BLK: variants seen among roughly 807,000 people sequenced by gnomAD.
BLK encodes BLK proto-oncogene, Src family tyrosine kinase.
Under a neutral mutation model 61.8 loss-of-function variants are expected in BLK, and 64 were observed. The ratio of observed to expected loss-of-function variants is 1.03; its 90% CI spans 0.85 to 1.27. The LOEUF is 1.27. Ranked by LOEUF, BLK falls within the 50% of genes most tolerant of loss-of-function variation. BLK has a pLI of 0.00. For missense variants in BLK, 853 were observed against 660.5 expected, an observed-to-expected ratio of 1.29 and a Z score of -3.19; for synonymous variants, 351 against 272.0, an observed-to-expected ratio of 1.29 and a Z score of -2.86.
At chr8:11,552,030 A>C (rs1300064322) in intron 6 of BLK, among the ~76,000 whole-genome samples, 1 of 152,152 alleles carries the variant, frequency 6.6e-6, no homozygotes, top group African/African-American at 2.4e-5. Flanking sequence ...TTAACTGGAG[A>C]GGAGATGGTG....
At chr8:11,513,588 C>A (rs917178423) in intron 1 of BLK, among the ~76,000 whole-genome samples, 1 of 152,204 alleles carries the variant, frequency 6.6e-6, no homozygotes, top group Non-Finnish European at 1.5e-5. Flanking sequence ...AGATCATCCA[C>A]CCACAGCCCT....
intron 1 of BLK, among the ~76,000 whole-genome samples, chr8:11,532,005 C>A (rs960865884): frequency 5.3e-5 from 8 of 151,960 alleles, no homozygotes; most frequent in African/African-American, 1.9e-4. Flanking sequence ...ATTACAGGCA[C>A]CTGCCACCAA....
At chr8:11,545,611 A>G (rs181976882) in intron 2 of BLK, 5 of 203,502 alleles carry the variant, frequency 2.5e-5, no homozygotes, top group Admixed American at 2.1e-4. Context: ...ATTCCCTTGT[A>G]CACTCTTGTA....
chr8:11,544,321 C>A (rs1317496293), intron 2 of BLK, among the ~76,000 whole-genome samples: 1 of 152,062 alleles, frequency 6.6e-6, no homozygotes, highest in Middle Eastern at 3.2e-3. Context: ...ACCAGTGACC[C>A]CCTTTTGGTT....
intron 1 of BLK, among the ~76,000 whole-genome samples, chr8:11,534,922 C>A (rs1334914692): frequency 6.6e-6 from 1 of 152,162 alleles, no homozygotes; most frequent in Non-Finnish European, 1.5e-5. Flanking sequence ...TGTATCCAAC[C>A]CAGAACTTTG....
chr8:11,497,859 T>C (rs1027339157), intron 1 of BLK, among the ~76,000 whole-genome samples: 5 of 152,308 alleles, frequency 3.3e-5, no homozygotes, highest in East Asian at 1.9e-4. Context: ...GATGAAAGCA[T>C]TGGGGCTTCC....
In BLK at chr8:11,563,998, G is replaced by A. The variant is rs772111389; in HGVS notation, c.1408G>A (p.Ala470Thr). The change falls in exon 13 of 13, where the codon GCC becomes ACC. Residue 470 changes from alanine (A) to threonine (T), a missense_variant. By Grantham distance (58) the Ala-to-Thr change is moderately conservative. Transcript: ENST00000259089. ...CPPELYRGVI[A>T]ECWRSRPEER... ...GCCCGAGCTGTACCGCGGCGTCATC[G>A]CCGAGTGCTGGCGCAGCCGGCCCGA... is the stretch of plus-strand genomic sequence containing the variant. 50 of 1,605,484 alleles carry A rather than the reference G, an allele frequency of 3.1e-5. No homozygotes were observed. The highest frequency in any genetic ancestry group is 3.9e-5 in the Non-Finnish European group (46 of 1,179,236).
chr8:11,504,371 GAAAA>G lies in BLK; in HGVS notation c.-2+9781_-2+9784del, dbSNP rs1798684577. Among the ~76,000 whole-genome samples, 12 of 16,878 alleles carry G rather than the reference GAAAA, an allele frequency of 7.1e-4. No homozygotes were observed. In the South Asian group the frequency reaches 9.7e-3, roughly 14 times the overall value. 11.1% of individuals were successfully genotyped at this position (16,878 alleles called of 152,430 possible). On this transcript the variant is annotated intron_variant, in intron 1 of 12. Transcript: ENST00000259089. ...AGGAAGGAAGGAAGGAAGGAAGAAA[GAAAA>G]GAAAAGAAAAGAAAAGAAAAGAAAA...
At chr8:11,556,541 C>A in intron 8 of BLK, 117 bp from the exon 9 acceptor site, 1 of 1,280,068 alleles carries the variant, frequency 7.8e-7, no homozygotes, top group Non-Finnish European at 1.1e-6. Context: ...CTGCATGTTC[C>A]AGCTCTGGCA....
rs1235934027 is a variant in BLK, at chr8:11,543,220, A to T, written c.-1-4A>T. 1 of 1,613,878 alleles carries T rather than the reference A, an allele frequency of 6.2e-7. No individual in the cohort carries two copies. Among genetic ancestry groups the T allele is most frequent in the Non-Finnish European group, 8.5e-7 (1 of 1,179,988 alleles). ...GTCCTCTGTCTGCTGTGTGTCTCCG[A>T]CAGGATGGGGCTGGTAAGTAGCAAA... On this transcript the variant is annotated splice_polypyrimidine_tract_variant and splice_region_variant and intron_variant, in intron 1 of 12. Transcript: ENST00000259089.
chr8:11,520,256 C>T (rs149299042), intron 1 of BLK, among the ~76,000 whole-genome samples: 11 of 152,108 alleles, frequency 7.2e-5, no homozygotes, highest in South Asian at 2.1e-4. Flanking sequence ...GTAGGAGGAT[C>T]GCTTGAGCCC....
chr8:11,549,556 T>G (rs1563114697), intron 5 of BLK, among the ~76,000 whole-genome samples: 1 of 152,180 alleles, frequency 6.6e-6, no homozygotes, highest in Admixed American at 6.5e-5. Flanking sequence ...AGCCCCCATC[T>G]TCTCCCATGT....
At chr8:11,563,758 A>C (rs1223182427) in intron 12 of BLK, 145 bp from the exon 13 acceptor site, 1 of 745,618 alleles carries the variant, frequency 1.3e-6, no homozygotes, top group Non-Finnish European at 2.1e-6. Context: ...GCAGCCAGGC[A>C]ACGCACGAGG....
chr8:11,547,523 A>G (rs1305329999), intron 3 of BLK, among the ~76,000 whole-genome samples: 1 of 152,210 alleles, frequency 6.6e-6, no homozygotes, highest in Non-Finnish European at 1.5e-5. Context: ...ACTGGCAGCC[A>G]TAGACAGTGT....
chr8:11,560,911 A>T (rs1035355613), intron 10 of BLK: 2 of 470,822 alleles, frequency 4.2e-6, no homozygotes, highest in African/African-American at 3.9e-5. Flanking sequence ...CCAGCCAGCC[A>T]GTGAGAGCTG....
chr8:11,503,841 C>A (rs1332906065), intron 1 of BLK, among the ~76,000 whole-genome samples: 1 of 152,170 alleles, frequency 6.6e-6, no homozygotes, highest in African/African-American at 2.4e-5. Flanking sequence ...TCCACCCTCC[C>A]CTGCTGGTCA....
chr8:11,503,315 T>G (rs1005832121), intron 1 of BLK, among the ~76,000 whole-genome samples: 1 of 152,186 alleles, frequency 6.6e-6, no homozygotes, highest in African/African-American at 2.4e-5. Context: ...GCTCCTGATC[T>G]TGGATGGGAG....
At chr8:11,503,551 G>C (rs1414015254) in intron 1 of BLK, among the ~76,000 whole-genome samples, 1 of 152,164 alleles carries the variant, frequency 6.6e-6, no homozygotes, top group Non-Finnish European at 1.5e-5. Flanking sequence ...CCTTTTCAGA[G>C]AGGCCTTTGC....
chr8:11,561,515 C>A, intron 11 of BLK, 63 bp downstream of exon 11: 6 of 1,580,708 alleles, frequency 3.8e-6, no homozygotes, highest in African/African-American at 1.3e-5. Flanking sequence ...TCCTCAAAGC[C>A]GCCTTTAACT....
Sources: allele counts gnomAD v4.1 joint callset (sites outside exome capture counted in the v4.1 genomes callset), GRCh38; gene constraint gnomAD v4.1.1; transcripts MANE v1.5; gene names NCBI Gene and HGNC (gene_info 2026-07-23, HGNC 2026-07-21).